The following KMT2C variants were observed in gnomAD, a reference collection of about 807,000 sequenced individuals.
KMT2C encodes histone-lysine N-methyltransferase 2C.
KMT2C carries 88 observed loss-of-function variants against 507.9 expected under a neutral mutation model. The ratio of observed to expected loss-of-function variants is 0.17; its 90% CI spans 0.15 to 0.21. The LOEUF is 0.21. Among genes scored for constraint, KMT2C ranks in the 10% least tolerant of loss-of-function variants. The probability of loss-of-function intolerance (pLI) is 1.00; values close to 1 mark genes in which losing one functional copy is unlikely to be tolerated. For missense variants in KMT2C, 4,954 were observed against 5,957.8 expected, an observed-to-expected ratio of 0.83 and a Z score of 5.55; for synonymous variants, 2,049 against 2,080.8, an observed-to-expected ratio of 0.98 and a Z score of 0.42.
intron 3 of KMT2C, among the ~76,000 whole-genome samples, chr7:152,322,058 CAAA>C (rs34263222): frequency 7.2e-6 from 1 of 138,088 alleles, no homozygotes; most frequent in African/African-American, 2.6e-5. Flanking sequence ...GTACTGGCAC[CAAA>C]AAAAAAAAAA....
intron 2 of KMT2C, among the ~76,000 whole-genome samples, chr7:152,352,174 C>T (rs1378618946): frequency 1.3e-5 from 2 of 152,128 alleles, no homozygotes; most frequent in African/African-American, 2.4e-5. Flanking sequence ...CTTTTATGGT[C>T]GAGCTGTAGG....
chr7:152,311,718 T>C, intron 5 of KMT2C, 80 bp downstream of exon 5: 1 of 1,004,212 alleles, frequency 1.0e-6, no homozygotes, highest in Non-Finnish European at 1.4e-6. Context: ...AGGTATTTAT[T>C]ATTGAGGACA....
intron 2 of KMT2C, among the ~76,000 whole-genome samples, chr7:152,335,597 T>C (rs2096926546): frequency 6.6e-6 from 1 of 152,218 alleles, no homozygotes; most frequent in Non-Finnish European, 1.5e-5. Flanking sequence ...TGCTGCTATC[T>C]ACCATATATG....
chr7:152,356,196 A>C (rs542455688), intron 2 of KMT2C, among the ~76,000 whole-genome samples: 46 of 152,308 alleles, frequency 3.0e-4, no homozygotes, highest in Middle Eastern at 3.4e-3. Flanking sequence ...CACTGAAATA[A>C]GCAAGATCAT....
chr7:152,326,603 G>A (rs912008403), intron 3 of KMT2C, among the ~76,000 whole-genome samples: 13 of 152,082 alleles, frequency 8.5e-5, no homozygotes, highest in Non-Finnish European at 1.5e-4. Context: ...AATTCAGGCC[G>A]GGGACGGTGG....
intron 1 of KMT2C, among the ~76,000 whole-genome samples, chr7:152,382,743 G>C (rs2097384909): frequency 6.6e-6 from 1 of 152,232 alleles, no homozygotes; most frequent in African/African-American, 2.4e-5. Context: ...ATCCTAAAGT[G>C]ATATCTGCCA....
chr7:152,287,914 C>T (rs2096332718), intron 6 of KMT2C, among the ~76,000 whole-genome samples: 1 of 149,656 alleles, frequency 6.7e-6, no homozygotes, highest in African/African-American at 2.5e-5. Context: ...ATTCCAGCTA[C>T]TCAGGAGGCT....
At chr7:152,349,882 G>C (rs373151295) in intron 2 of KMT2C, among the ~76,000 whole-genome samples, 1 of 152,096 alleles carries the variant, frequency 6.6e-6, no homozygotes, top group Non-Finnish European at 1.5e-5. Flanking sequence ...TGCACGTGTC[G>C]GGGAAGGGGA....
chr7:152,391,325 C>T (rs1399065433), intron 1 of KMT2C, among the ~76,000 whole-genome samples: 2 of 151,568 alleles, frequency 1.3e-5, no homozygotes, highest in Admixed American at 1.3e-4. Flanking sequence ...TCACTGCAAC[C>T]TCCGCCTCCC....
intron 1 of KMT2C, among the ~76,000 whole-genome samples, chr7:152,421,949 T>C (rs747249616): frequency 1.3e-5 from 2 of 150,292 alleles, no homozygotes; most frequent in African/African-American, 2.5e-5. Context: ...CTTTAAAATA[T>C]GGAATGAATG....
In KMT2C at chr7:152,189,230, G is replaced by A. The variant is rs1001966763; in HGVS notation, c.4661-1383C>T. On this transcript the variant is annotated intron_variant, in intron 31 of 58. Coordinates refer to ENST00000262189, the MANE Select transcript of KMT2C (RefSeq NM_170606.3). The stretch of plus-strand genomic sequence containing the variant: ...ACTTGTCTAAACTATTTGGAACTAA[G>A]CCAACTGTCCATATTGGAGCAGTTT... Among the ~76,000 whole-genome samples the A allele has an allele frequency of 1.2e-4, 18 of 152,256 alleles. No individual in the cohort carries two copies. In the East Asian group the frequency reaches 3.3e-3, roughly 28 times the overall value.
intron 6 of KMT2C, among the ~76,000 whole-genome samples, chr7:152,302,693 G>A (rs1238279268): frequency 6.6e-6 from 1 of 151,882 alleles, no homozygotes; most frequent in African/African-American, 2.4e-5. Flanking sequence ...CCAGGATGGA[G>A]TGCAGTGGCG....
intron 1 of KMT2C, among the ~76,000 whole-genome samples, chr7:152,425,448 G>A (rs1040863510): frequency 2.0e-5 from 3 of 152,068 alleles, no homozygotes; most frequent in African/African-American, 4.8e-5. Context: ...TGGTGGAGGG[G>A]CGCCTGTACT....
At chr7:152,217,902 T>G (rs2094627314) in intron 23 of KMT2C, among the ~76,000 whole-genome samples, 1 of 152,168 alleles carries the variant, frequency 6.6e-6, no homozygotes, top group Non-Finnish European at 1.5e-5. Flanking sequence ...CTTCCCAAAT[T>G]TAAGAGACTA....
At chr7:152,222,505 GT>G (rs1413975453) in intron 21 of KMT2C, 67 bp downstream of exon 21, 1 of 760,140 alleles carries the variant, frequency 1.3e-6, no homozygotes, top group African/African-American at 1.7e-5. Context: ...TAATTCATTG[GT>G]TATGGACAGT....
At position 152,301,891 on chromosome 7, in the gene KMT2C, C is replaced by T. The variant is rs117443780; in HGVS notation, c.849+8075G>A. ...AAAGGATCTTACATAAAAGTACTTT[C>T]CATTGGTTGGAGGAGAGACTTTTAC... On this transcript the variant is annotated intron_variant, in intron 6 of 58. Coordinates refer to ENST00000262189, the MANE Select transcript of KMT2C (RefSeq NM_170606.3). Among the ~76,000 whole-genome samples the T allele has an allele frequency of 7.7e-3, 1,177 of 152,252 alleles. 3 individuals are homozygous for T. The highest frequency in any genetic ancestry group is 0.013 in the Non-Finnish European group (859 of 68,008).
rs11972685 is a variant in KMT2C, at chr7:152,322,138, C to T, written c.390-6800G>A. On this transcript the variant is annotated intron_variant, in intron 3 of 58. Coordinates refer to ENST00000262189, the MANE Select transcript of KMT2C (RefSeq NM_170606.3). ...CAGCACTTGGGTAGGCTGAGGCAGG[C>T]AGACTGCTTGAGCCCAGAGTCTGAA... 4.4e-3 allele frequency among the ~76,000 whole-genome samples: 669 copies of T among 151,388 alleles called. 6 individuals carry two copies. The highest frequency in any genetic ancestry group is 0.015 in the African/African-American group (639 of 41,320).
chr7:152,162,549 T>C lies in KMT2C; in HGVS notation c.11028A>G (p.Leu3676=), dbSNP rs886280237. ...GCAGTTTGTTCTCTAATTCTGTACATAGCTGGCCTGCTGCCATATTGGGAG... is the reference window on the plus strand; with the variant it reads ...GCAGTTTGTTCTCTAATTCTGTACACAGCTGGCCTGCTGCCATATTGGGAG... ...PSTPNMAAGQ[L]CTELENKLPN... The change falls in exon 43 of 59, where the codon CTA becomes CTG. Residue 3676 remains leucine (L), a synonymous_variant. Transcript: ENST00000262189. 11 of 1,614,232 alleles carry C rather than the reference T, an allele frequency of 6.8e-6. No homozygotes were observed. The highest frequency in any genetic ancestry group is 8.5e-6 in the Non-Finnish European group (10 of 1,180,040).
Position 152,180,635 on chromosome 7 carries a change from G to T in KMT2C, c.7149+76C>A, listed in dbSNP as rs551069493. 8.9e-6 allele frequency: 10 copies of T among 1,128,516 alleles called. 1 individual carries two copies. In the South Asian group the frequency reaches 1.1e-4, roughly 12 times the overall value. The allele number at this position is 1,128,516 out of a possible 1,614,324, so 69.9% of individuals were successfully genotyped here. On this transcript the variant is annotated intron_variant, in intron 36 of 58. Coordinates refer to ENST00000262189, the MANE Select transcript of KMT2C (RefSeq NM_170606.3). ...AAAATAAAACATTAACTCCTGTGTA[G>T]AAATTACTCAGTTTGATGAAATGAA...
Sources: allele counts gnomAD v4.1 joint callset (sites outside exome capture counted in the v4.1 genomes callset), GRCh38; gene constraint gnomAD v4.1.1; transcripts MANE v1.5; gene names NCBI Gene and HGNC (gene_info 2026-07-23, HGNC 2026-07-21).